ADAMTS18: variants seen among roughly 807,000 people sequenced by gnomAD.
The protein encoded by ADAMTS18 is ADAM metallopeptidase with thrombospondin type 1 motif 18.
ADAMTS18 carries 157 observed loss-of-function variants against 165.9 expected under a neutral mutation model. The ratio of observed to expected loss-of-function variants is 0.95; its 90% CI spans 0.83 to 1.08. The LOEUF (loss-of-function observed/expected upper bound fraction) is 1.08. ADAMTS18 is among the 50% of genes least tolerant of loss of function. The pLI is 0.00. For missense variants in ADAMTS18, 2,040 were observed against 1,534.0 expected, an observed-to-expected ratio of 1.33 and a Z score of -5.51; for synonymous variants, 782 against 578.2, an observed-to-expected ratio of 1.35 and a Z score of -5.06.
chr16:77,366,513 C>T (rs936519146), intron 4 of ADAMTS18, among the ~76,000 whole-genome samples: 1 of 152,088 alleles, frequency 6.6e-6, no homozygotes, highest in African/African-American at 2.4e-5. Context: ...GAGCAGAGAT[C>T]GCGCCACTTC....
chr16:77,290,732 C>A, intron 21 of ADAMTS18: 1 of 162,906 alleles, frequency 6.1e-6, no homozygotes, highest in Non-Finnish European at 1.4e-5. Context: ...AAGAAGGGTG[C>A]CTCTAGCATC....
chr16:77,398,201 C>G (rs1224716358), intron 3 of ADAMTS18, among the ~76,000 whole-genome samples: 1 of 152,006 alleles, frequency 6.6e-6, no homozygotes, highest in Non-Finnish European at 1.5e-5. Context: ...CCTGTAATCC[C>G]AGCTGCTTGG....
chr16:77,366,537 C>T (rs997993391), intron 4 of ADAMTS18, among the ~76,000 whole-genome samples: 1 of 151,794 alleles, frequency 6.6e-6, no homozygotes, highest in African/African-American at 2.4e-5. Flanking sequence ...CCAGCCTGGG[C>T]GAAAGAGTGA....
At chr16:77,324,790 T>G (rs759172615) in intron 13 of ADAMTS18, among the ~76,000 whole-genome samples, 3 of 152,230 alleles carry the variant, frequency 2.0e-5, no homozygotes, top group Non-Finnish European at 4.4e-5. Context: ...TCCTATTCAA[T>G]AGCTCTTTGA....
chr16:77,286,015 G>A (rs147828588), intron 22 of ADAMTS18, among the ~76,000 whole-genome samples: 203 of 152,182 alleles, frequency 1.3e-3, no homozygotes, highest in African/African-American at 4.5e-3. Context: ...GGCTTCCATC[G>A]TACTCAGCGT....
At chr16:77,409,334 G>A (rs1207794369) in intron 3 of ADAMTS18, among the ~76,000 whole-genome samples, 3 of 152,166 alleles carry the variant, frequency 2.0e-5, no homozygotes, top group Non-Finnish European at 4.4e-5. Context: ...TTAGACTAAA[G>A]CTACATTGCC....
intron 13 of ADAMTS18, among the ~76,000 whole-genome samples, chr16:77,323,693 CT>C (rs1567482073): frequency 6.6e-6 from 1 of 151,976 alleles, no homozygotes; most frequent in Non-Finnish European, 1.5e-5. Flanking sequence ...TTCCCTTGTT[CT>C]TCTAAATTGC....
intron 10 of ADAMTS18, among the ~76,000 whole-genome samples, chr16:77,344,418 T>C (rs1210781711): frequency 1.3e-5 from 2 of 152,038 alleles, no homozygotes; most frequent in East Asian, 1.9e-4. Context: ...ATCACAGTCA[T>C]CATCGCTACG....
At chr16:77,311,952 A>G (rs1317394474) in intron 16 of ADAMTS18, among the ~76,000 whole-genome samples, 1 of 152,220 alleles carries the variant, frequency 6.6e-6, no homozygotes, top group South Asian at 2.1e-4. Context: ...ACAATTTTGT[A>G]TTACTGGAGA....
intron 3 of ADAMTS18, among the ~76,000 whole-genome samples, chr16:77,404,240 CAAT>C (rs2057367041): frequency 6.6e-6 from 1 of 152,098 alleles, no homozygotes; most frequent in Non-Finnish European, 1.5e-5. Flanking sequence ...TCTGCTAAAA[CAAT>C]TATCAAACTC....
intron 21 of ADAMTS18, chr16:77,290,975 C>T: frequency 2.2e-6 from 1 of 459,334 alleles, no homozygotes; most frequent in Non-Finnish European, 4.0e-6. Context: ...CAGCAATGAC[C>T]AACATTAGCA....
chr16:77,351,457 C>T (rs559527396), intron 10 of ADAMTS18, among the ~76,000 whole-genome samples: 23 of 152,304 alleles, frequency 1.5e-4, no homozygotes, highest in African/African-American at 5.5e-4. Flanking sequence ...CACTGCCTGA[C>T]ACAGACCAGG....
intron 3 of ADAMTS18, among the ~76,000 whole-genome samples, chr16:77,400,763 C>T (rs371390686): frequency 1.3e-5 from 2 of 152,024 alleles, no homozygotes; most frequent in East Asian, 3.9e-4. Context: ...GCCACCACGC[C>T]TGGCCTCTCT....
chr16:77,315,458 T>C (rs1299015140), intron 16 of ADAMTS18, among the ~76,000 whole-genome samples: 1 of 152,206 alleles, frequency 6.6e-6, no homozygotes, highest in African/African-American at 2.4e-5. Context: ...TAGGATGCCA[T>C]CCCTGTTGCC....
chr16:77,434,514 G>C lies in ADAMTS18; in HGVS notation c.91-9C>G. ...CAGCACAGCTGGAGCGCCTGCAAGA[G>C]AAAAGGTGACATCGCGCGTGAGGGG... On this transcript the variant is annotated splice_polypyrimidine_tract_variant and intron_variant, in intron 1 of 22. Transcript: ENST00000282849. 6.4e-7 allele frequency: 1 copy of C among 1,552,876 alleles called. No homozygotes were observed. Among genetic ancestry groups the C allele is most frequent in the East Asian group, 2.4e-5 (1 of 42,234 alleles).
intron 3 of ADAMTS18, among the ~76,000 whole-genome samples, chr16:77,378,721 A>C (rs2056989314): frequency 6.6e-6 from 1 of 152,198 alleles, no homozygotes; most frequent in Admixed American, 6.5e-5. Flanking sequence ...TCTCAAAAAA[A>C]TAAAAATAAA....
intron 2 of ADAMTS18, 96 bp downstream of exon 2, chr16:77,434,322 T>A (rs2057770928): frequency 7.3e-7 from 1 of 1,363,074 alleles, no homozygotes; most frequent in Non-Finnish European, 1.0e-6. Context: ...CCTGCCAGGT[T>A]AGGGGGTGCG....
intron 3 of ADAMTS18, among the ~76,000 whole-genome samples, chr16:77,383,826 C>T (rs1291108689): frequency 1.3e-5 from 2 of 152,136 alleles, no homozygotes; most frequent in African/African-American, 2.4e-5. Flanking sequence ...TAGACCGGAG[C>T]CACCGTGCCT....
At chr16:77,348,830 C>A (rs1236620263) in intron 10 of ADAMTS18, among the ~76,000 whole-genome samples, 2 of 152,114 alleles carry the variant, frequency 1.3e-5, no homozygotes, top group Non-Finnish European at 2.9e-5. Context: ...GTTTAAATCT[C>A]CCTGAGGAAA....
Sources: gnomAD v4.1 joint callset for allele counts (sites outside exome capture counted in the v4.1 genomes callset) on GRCh38, gnomAD v4.1.1 for gene constraint, MANE v1.5 for transcripts, NCBI Gene and HGNC (gene_info 2026-07-23, HGNC 2026-07-21) for gene names.